Variants in MFSD1 observed in about 807,000 individuals in gnomAD.
MFSD1 encodes the protein lysosomal dipeptide transporter MFSD1.
Under a neutral mutation model 67.1 loss-of-function variants are expected in MFSD1, and 59 were observed. The ratio of observed to expected loss-of-function variants is 0.88; its 90% CI spans 0.71 to 1.09. The LOEUF (loss-of-function observed/expected upper bound fraction) is 1.09, where lower values mean the gene tolerates loss of function less well. Ranked by LOEUF, MFSD1 falls within the 50% of genes least tolerant of loss-of-function variation. The probability of loss-of-function intolerance (pLI) is 0.00; values close to 1 mark genes in which losing one functional copy is unlikely to be tolerated. For synonymous variants in MFSD1, 213 were observed against 200.3 expected (o/e 1.06, Z -0.54); for missense variants, 552 against 566.1 (o/e 0.97, Z 0.25).
chr3:158,824,465 T>TA (rs55943256), intron 13 of MFSD1: 4,926 of 378,128 alleles, frequency 0.013, no homozygotes, highest in East Asian at 0.016. Context: ...ATTTACAGTT[T>TA]AAAAAAAAAA....
chr3:158,824,881 T>C (rs1432581191), intron 13 of MFSD1, among the ~76,000 whole-genome samples: 1 of 152,148 alleles, frequency 6.6e-6, no homozygotes, highest in Admixed American at 6.5e-5. Flanking sequence ...ATACCTGAAG[T>C]GTGGTATTTG....
Position 158,813,970 on chromosome 3 carries a change from T to C in MFSD1, c.555T>C (p.Ser185=), listed in dbSNP as rs1243404536. 2 of 1,609,150 alleles carry C rather than the reference T, an allele frequency of 1.2e-6. No individual in the cohort carries two copies. The highest frequency in any genetic ancestry group is 2.2e-5 in the East Asian group (1 of 44,804). Residue 185 remains serine (S), a synonymous_variant, in exon 7 of 16, where the codon AGT becomes AGC. Coordinates refer to ENST00000415822, the MANE Select transcript of MFSD1 (RefSeq NM_022736.4). ...GLQLSMARIG[S]TVNMNLMGWL... is the part of the protein sequence containing the mutation. The stretch of plus-strand genomic sequence containing the variant: ...TTTTTTCCCTTCTCATTTAGGGAAG[T>C]ACAGTAAACATGAACCTCATGGGAT...
chr3:158,821,728 C>G (rs1730686394), intron 10 of MFSD1, 75 bp downstream of exon 10: 2 of 1,280,912 alleles, frequency 1.6e-6, no homozygotes, highest in Non-Finnish European at 2.2e-6. Flanking sequence ...TTAAAAGAAG[C>G]AAAAAAGATG....
intron 3 of MFSD1, 22 bp from the exon 4 acceptor site, chr3:158,807,018 T>C: frequency 6.3e-7 from 1 of 1,598,098 alleles, no homozygotes; most frequent in Non-Finnish European, 8.5e-7. Flanking sequence ...TTTCTCATTC[T>C]CATTCTTTCT....
intron 15 of MFSD1, among the ~76,000 whole-genome samples, chr3:158,828,433 C>T (rs1005895659): frequency 6.6e-6 from 1 of 151,784 alleles, no homozygotes; most frequent in Non-Finnish European, 1.5e-5. Context: ...TTAAAATAAT[C>T]AGAAGTATGA....
rs1326454589 is a variant in MFSD1 at position 158,814,044 on chromosome 3, C to A, written c.629C>A (p.Thr210Asn). The A allele has an allele frequency of 1.2e-6, 2 of 1,613,442 alleles. No homozygotes were observed. Reference sequence around the variant, plus strand: ...TTGTTAGGTTCTGCTGGTCACACAACCCTCGGGATCACACTTATGATTGGT... The same window carrying A: ...TTGTTAGGTTCTGCTGGTCACACAAACCTCGGGATCACACTTATGATTGGT... ...EALLGSAGHTTLGITLMIGGI... is the reference protein window; with the variant it reads ...EALLGSAGHTNLGITLMIGGI... Residue 210 changes from threonine to asparagine, a missense_variant, in exon 7 of 16, where the codon ACC (threonine) becomes AAC (asparagine). Thr to Asn is a moderately conservative substitution (Grantham distance 65). Transcript: ENST00000415822.
intron 11 of MFSD1, 93 bp from the exon 12 acceptor site, chr3:158,823,335 T>G (rs187780438): frequency 1.8e-4 from 157 of 863,416 alleles, no homozygotes; most frequent in Admixed American, 3.3e-4. Context: ...ATATATATAT[T>G]AACTACTCTG....
chr3:158,823,469 G>A lies in MFSD1; in HGVS notation c.1119G>A (p.Leu373=). 6.2e-7 allele frequency: 1 copy of A among 1,613,828 alleles called. No individual in the cohort carries two copies. Among genetic ancestry groups the A allele is most frequent in the South Asian group, 1.1e-5 (1 of 91,088 alleles). Residue 373 remains leucine, a synonymous_variant, in exon 12 of 16, where the codon TTG becomes TTA. Coordinates refer to ENST00000415822, the MANE Select transcript of MFSD1 (RefSeq NM_022736.4). ...CCTACTCATTGCTTGCCTGTGCATT[G>A]TGGCCAATGGTGGCATTTGTAGTTC... ...GLSYSLLACA[L]WPMVAFVVPE...
At chr3:158,823,404 C>T (rs1730776534) in intron 11 of MFSD1, 24 bp from the exon 12 acceptor site, 1 of 1,509,222 alleles carries the variant, frequency 6.6e-7, no homozygotes, top group South Asian at 1.1e-5. Context: ...AAGACTGTGA[C>T]CTTTTCTGCG....
intron 1 of MFSD1, 156 bp downstream of exon 1, chr3:158,802,471 C>T: frequency 1.1e-6 from 1 of 873,164 alleles, no homozygotes; most frequent in Non-Finnish European, 1.9e-6. Flanking sequence ...CGATCGATTC[C>T]AGCCACACCT....
At chr3:158,817,603 T>A (rs1453568675) in intron 7 of MFSD1, among the ~76,000 whole-genome samples, 3 of 152,042 alleles carry the variant, frequency 2.0e-5, no homozygotes, top group Non-Finnish European at 4.4e-5. Context: ...TAAAAGAGGA[T>A]ACAAACAAAT....
chr3:158,803,388 C>T (rs1729557962), intron 1 of MFSD1, among the ~76,000 whole-genome samples: 2 of 151,830 alleles, frequency 1.3e-5, no homozygotes, highest in African/African-American at 2.4e-5. Context: ...AAGATGATGC[C>T]CATCCATTAG....
At chr3:158,804,278 T>C in intron 1 of MFSD1, 41 bp from the exon 2 acceptor site, 2 of 1,446,526 alleles carry the variant, frequency 1.4e-6, no homozygotes, top group East Asian at 2.3e-5. Flanking sequence ...AACTTTTATA[T>C]GGGAAGTATT....
chr3:158,813,052 T>C lies in MFSD1; in HGVS notation c.550-913T>C, dbSNP rs116274039. On this transcript the variant is annotated intron_variant, in intron 6 of 15. Transcript: ENST00000415822. ...TTATATTCTCCTTTCCAGCTTTATT[T>C]CTTTCTTATTTTTTAAAAGTACTTG... is the stretch of plus-strand genomic sequence containing the variant. 5.1e-3 allele frequency among the ~76,000 whole-genome samples: 771 copies of C among 152,228 alleles called. 9 individuals are homozygous for C. The highest frequency in any genetic ancestry group is 0.018 in the African/African-American group (747 of 41,544).
intron 15 of MFSD1, among the ~76,000 whole-genome samples, 173 bp from the exon 16 acceptor site, chr3:158,828,806 G>A (rs1731139679): frequency 6.6e-6 from 1 of 151,966 alleles, no homozygotes; most frequent in African/African-American, 2.4e-5. Context: ...TTTCTACATT[G>A]ATCTTTTGTG....
At chr3:158,817,891 T>C (rs1409042537) in intron 7 of MFSD1, among the ~76,000 whole-genome samples, 1 of 152,232 alleles carries the variant, frequency 6.6e-6, no homozygotes, top group African/African-American at 2.4e-5. Context: ...TTCTTTTTCT[T>C]GTAGTGTCTT....
In MFSD1 at chr3:158,802,249, C is replaced by A. The variant is rs747610583; in HGVS notation, c.97C>A (p.Leu33Ile). ...APAAPGALPA[L>I]CDPSRLAHRL... is the part of the protein sequence containing the mutation. ...GGCCGCCCCTGGAGCCCTGCCGGCC[C>A]TCTGCGACCCCAGTCGCCTGGCGCA... Residue 33 changes from leucine (L) to isoleucine (I), a missense_variant, in exon 1 of 16, where the codon CTC (leucine) becomes ATC (isoleucine). By Grantham distance (5) the Leu-to-Ile change is conservative. Coordinates refer to ENST00000415822, the MANE Select transcript of MFSD1 (RefSeq NM_022736.4). 1 of 1,611,648 alleles carries A rather than the reference C, an allele frequency of 6.2e-7. No individual in the cohort carries two copies. The highest frequency in any genetic ancestry group is 2.2e-5 in the East Asian group (1 of 44,798).
chr3:158,804,270 C>A, intron 1 of MFSD1, 49 bp from the exon 2 acceptor site: 2 of 1,412,278 alleles, frequency 1.4e-6, no homozygotes, highest in Non-Finnish European at 2.0e-6. Context: ...CAACTTGAAA[C>A]TTTTATATGG....
chr3:158,802,206 GGCC>G lies in MFSD1; in HGVS notation c.56_58del (p.Ala19del). The G allele has an allele frequency of 1.2e-6, 2 of 1,610,872 alleles. No individual in the cohort carries two copies. Among genetic ancestry groups the G allele is most frequent in the Non-Finnish European group, 1.7e-6 (2 of 1,179,082 alleles). On this transcript the variant is annotated inframe_deletion, in exon 1 of 16. Coordinates refer to ENST00000415822, the MANE Select transcript of MFSD1 (RefSeq NM_022736.4). ...CGCTCCTGGCAGGCGGCCCTGACGAGGCCGACAGAGGTGCCCCGGCCGCCCCTG... is the reference window on the plus strand; with the variant it reads ...CGCTCCTGGCAGGCGGCCCTGACGAGGACAGAGGTGCCCCGGCCGCCCCTG...
Sources: allele counts gnomAD v4.1 joint callset (sites outside exome capture counted in the v4.1 genomes callset), GRCh38; gene constraint gnomAD v4.1.1; transcripts MANE v1.5; gene names NCBI Gene and HGNC (gene_info 2026-07-23, HGNC 2026-07-21).